LYST: variants seen among roughly 807,000 people sequenced by gnomAD.
LYST encodes the protein lysosomal-trafficking regulator.
In LYST, 192 loss-of-function variants were observed where a neutral mutation model predicts 413.6. The observed-to-expected ratio is 0.46, with a 90% CI of 0.41 to 0.52. The LOEUF (loss-of-function observed/expected upper bound fraction) is 0.52, where lower values mean the gene tolerates loss of function less well. Among genes scored for constraint, LYST ranks in the 20% least tolerant of loss-of-function variants. LYST has a pLI of 0.00. For missense variants in LYST, 3,815 were observed against 4,499.9 expected (o/e 0.85, Z 4.35); for synonymous variants, 1,525 against 1,567.3 (o/e 0.97, Z 0.64).
upstream of LYST, among the ~76,000 whole-genome samples, chr1:235,868,881 G>C (rs1680788578): frequency 6.6e-6 from 1 of 151,948 alleles, no homozygotes; most frequent in Non-Finnish European, 1.5e-5. Context: ...TTTTAGTAGA[G>C]ACAGAGTTTC....
intron 49 of LYST, 94 bp downstream of exon 49, chr1:235,677,386 T>C (rs927605416): frequency 1.5e-6 from 2 of 1,345,436 alleles, no homozygotes; most frequent in Non-Finnish European, 2.1e-6. Flanking sequence ...AAAATGATTA[T>C]AACGTAAAGA....
At chr1:235,712,402 T>A in intron 42 of LYST, 4 of 473,400 alleles carry the variant, frequency 8.4e-6, no homozygotes, top group Middle Eastern at 1.2e-3. Flanking sequence ...ATCTGTATTA[T>A]GCTTTTGTAA....
chr1:235,753,193 A>T lies in LYST; in HGVS notation c.7311T>A (p.Ser2437=), dbSNP rs1666675228. The change falls in exon 26 of 53, where the codon TCT becomes TCA. Residue 2437 remains serine (S), a synonymous_variant. Transcript: ENST00000389793. ...TATGCAAGAGTATGTTGTCATATAG[A>T]GAGGTCTCTATTAGTCCCAGAATAG... ...VIPILGLIET[S]LYDNILLHNA... is the part of the protein sequence containing the mutation. 6.2e-7 allele frequency: 1 copy of T among 1,610,412 alleles called. No individual in the cohort carries two copies.
intron 4 of LYST, among the ~76,000 whole-genome samples, chr1:235,810,793 T>TA (rs1307658656): frequency 6.6e-6 from 1 of 152,172 alleles, no homozygotes; most frequent in Non-Finnish European, 1.5e-5. Context: ...GGCACACCTA[T>TA]ACTTACTCTA....
chr1:235,662,802 C>T lies in LYST; in HGVS notation c.*138G>A. 1.3e-6 allele frequency: 1 copy of T among 759,622 alleles called. No homozygotes were observed. The highest frequency in any genetic ancestry group is 2.4e-6 in the Non-Finnish European group (1 of 412,460). 47.1% of individuals were successfully genotyped at this position (759,622 alleles called of 1,614,324 possible). On this transcript the variant is annotated 3_prime_UTR_variant, in exon 53 of 53. Transcript: ENST00000389793. ...TCATGTGACTCTTCAGAATTTTGTG[C>T]AGATGAATAGACTTTATCATTATTT...
At chr1:235,691,365 A>C (rs1009464591) in intron 47 of LYST, among the ~76,000 whole-genome samples, 9 of 152,250 alleles carry the variant, frequency 5.9e-5, no homozygotes, top group Non-Finnish European at 8.8e-5. Context: ...GGCTGCAGTT[A>C]GTATATAACG....
Position 235,734,544 on chromosome 1 carries a change from C to A in LYST, c.8474G>T (p.Gly2825Val). Residue 2825 changes from glycine (G) to valine (V), a missense_variant, in exon 32 of 53, where the codon GGT becomes GTT. Physicochemically the swap from Gly to Val is moderately radical, Grantham distance 109 (BLOSUM62 -3). Coordinates refer to ENST00000389793, the MANE Select transcript of LYST (RefSeq NM_000081.4). ...TGCACTGGGAGGGATGCACTTGTGA[C>A]CACATAACTTCAAAGCATTCATAAG... ...ELLMNALKLC[G>V]HKCIPPSAST... 6.2e-7 allele frequency: 1 copy of A among 1,613,622 alleles called. No individual in the cohort carries two copies.
Position 235,852,703 on chromosome 1 carries a change from C to G in LYST, c.-98+14140G>C, listed in dbSNP as rs138144356. Among the ~76,000 whole-genome samples, 743 of 152,178 alleles carry G rather than the reference C, an allele frequency of 4.9e-3. 4 individuals are homozygous for G. Among genetic ancestry groups the G allele is most frequent in the African/African-American group, 0.017 (719 of 41,522 alleles). On this transcript the variant is annotated intron_variant, in intron 1 of 52. Coordinates refer to ENST00000389793, the MANE Select transcript of LYST (RefSeq NM_000081.4). Reference sequence around the variant, plus strand: ...ACAATAAAGGAAAACTGCCAGAGTTCGCATTTAATAAATTATTTTAAAATG... The same window carrying G: ...ACAATAAAGGAAAACTGCCAGAGTTGGCATTTAATAAATTATTTTAAAATG...
intron 1 of LYST, among the ~76,000 whole-genome samples, chr1:235,875,565 T>C (rs768699011): frequency 3.3e-5 from 5 of 152,182 alleles, no homozygotes; most frequent in Non-Finnish European, 5.9e-5. Context: ...AGCTACATCA[T>C]GCTGATGGAA....
chr1:235,764,962 T>C (rs781390564), intron 21 of LYST, among the ~76,000 whole-genome samples: 2 of 152,184 alleles, frequency 1.3e-5, no homozygotes, highest in Non-Finnish European at 2.9e-5. Flanking sequence ...TTTTACTGAT[T>C]CTTCATTCTT....
intron 3 of LYST, among the ~76,000 whole-genome samples, chr1:235,826,372 C>G (rs1050122131): frequency 6.6e-6 from 1 of 152,094 alleles, no homozygotes; most frequent in African/African-American, 2.4e-5. Flanking sequence ...GCATACAGCT[C>G]AAAAGATTAA....
intron 52 of LYST, among the ~76,000 whole-genome samples, chr1:235,663,422 T>C (rs1042859091): frequency 2.0e-5 from 3 of 152,214 alleles, no homozygotes; most frequent in Non-Finnish European, 4.4e-5. Flanking sequence ...ATAACAGTAC[T>C]ATATTTTCTC....
chr1:235,745,935 T>C (rs922553174), intron 29 of LYST, among the ~76,000 whole-genome samples: 6 of 152,144 alleles, frequency 3.9e-5, no homozygotes, highest in African/African-American at 1.2e-4. Context: ...TGAGAGATCC[T>C]TGTGGTGCTG....
In LYST at chr1:235,757,356, G is replaced by A; in HGVS notation, c.6984C>T (p.Asp2328=). ...LPDVLLEDVM[D]KLIQADTLLV... is the part of the protein sequence containing the mutation. ...AAAGTGTATCTGCTTGAATAAGCTT[G>A]TCCATCACATCTTCAAGCAAAACAT... Residue 2328 remains aspartate, a synonymous_variant, in exon 24 of 53, where the codon GAC becomes GAT. Transcript: ENST00000389793. The A allele has an allele frequency of 1.9e-6, 3 of 1,613,102 alleles. No homozygotes were observed. The highest frequency in any genetic ancestry group is 2.5e-6 in the Non-Finnish European group (3 of 1,179,370).
At chr1:235,726,067 T>C (rs1002229083) in intron 38 of LYST, among the ~76,000 whole-genome samples, 1 of 152,242 alleles carries the variant, frequency 6.6e-6, no homozygotes, top group African/African-American at 2.4e-5. Context: ...AGTTTAAAAC[T>C]AGCTAGAATT....
rs1463961979 is a variant in LYST at position 235,755,563 on chromosome 1, G to A, written c.7144C>T (p.Gln2382Ter). 1 of 1,612,842 alleles carries A rather than the reference G, an allele frequency of 6.2e-7. No homozygotes were observed. ...TGAGTTCCTCGATGAAGATACAACT[G>A]GTTGGCTAGCAAGGAAAATCCACGA... ...KNRGFSLLAN[Q>*]LYLHRGTQEL... is the part of the protein sequence containing the mutation. The change falls in exon 25 of 53, where the codon CAG becomes TAG. Residue 2382 changes from glutamine to a stop codon, truncating the protein, a stop_gained. Coordinates refer to ENST00000389793, the MANE Select transcript of LYST (RefSeq NM_000081.4). LOFTEE classifies it high-confidence loss of function.
In LYST at chr1:235,662,914, T is replaced by C; in HGVS notation, c.*26A>G. On this transcript the variant is annotated 3_prime_UTR_variant, in exon 53 of 53. Transcript: ENST00000389793. ...AAATCTAGTTTGGAGTTAAAGTGCTTTGGAGAACGTGAAGTTCATTCGCAT... is the reference window on the plus strand; with the variant it reads ...AAATCTAGTTTGGAGTTAAAGTGCTCTGGAGAACGTGAAGTTCATTCGCAT... 1 of 1,314,158 alleles carries C rather than the reference T, an allele frequency of 7.6e-7. No homozygotes were observed. The highest frequency in any genetic ancestry group is 1.2e-5 in the South Asian group (1 of 85,180). The allele number at this position is 1,314,158 out of a possible 1,614,324, so 81.4% of individuals were successfully genotyped here.
rs542800394 is a variant in LYST, at chr1:235,787,117, TTC to T, written c.4862+81_4862+82del. ...TAGTAAAAACCTAGAAGTTTCTGTATTCTGTTTCAGAAGCTATAATTGACTAA... is the reference window on the plus strand; with the variant it reads ...TAGTAAAAACCTAGAAGTTTCTGTATTGTTTCAGAAGCTATAATTGACTAA... On this transcript the variant is annotated intron_variant, in intron 14 of 52. Coordinates refer to ENST00000389793, the MANE Select transcript of LYST (RefSeq NM_000081.4). 2.4e-4 allele frequency: 256 copies of T among 1,059,762 alleles called. 1 individual carries two copies. The African/African-American group carries it at 3.4e-3, about 14-fold the overall frequency. 65.6% of individuals were successfully genotyped at this position (1,059,762 alleles called of 1,614,324 possible).
intron 47 of LYST, among the ~76,000 whole-genome samples, chr1:235,688,089 A>G (rs1394605047): frequency 2.0e-5 from 3 of 152,232 alleles, no homozygotes; most frequent in Non-Finnish European, 2.9e-5. Context: ...TTGATACTTC[A>G]TAAATTTTAT....
Sources: gnomAD v4.1 joint callset for allele counts (sites outside exome capture counted in the v4.1 genomes callset) on GRCh38, gnomAD v4.1.1 for gene constraint, MANE v1.5 for transcripts, NCBI Gene and HGNC (gene_info 2026-07-23, HGNC 2026-07-21) for gene names.